Variants in STK3 observed in about 807,000 individuals in gnomAD.
STK3 encodes the protein serine/threonine-protein kinase 3.
In STK3, 41 loss-of-function variants were observed where a neutral mutation model predicts 58.0. The observed-to-expected ratio is 0.71, with a 90% CI of 0.55 to 0.92. The LOEUF (loss-of-function observed/expected upper bound fraction) is 0.92, where lower values mean the gene tolerates loss of function less well. Among genes scored for constraint, STK3 ranks in the 40% least tolerant of loss-of-function variants. The pLI is 0.00. For synonymous variants in STK3, 170 were observed against 191.0 expected (o/e 0.89, Z 0.91); for missense variants, 479 against 602.7 (o/e 0.79, Z 2.15).
At position 98,568,063 on chromosome 8, in the gene STK3, TGATAGATAGATAGATAGATA is replaced by T. The variant is rs10528436; in HGVS notation, c.948+11581_948+11600del. On this transcript the variant is annotated intron_variant, in intron 8 of 10. Coordinates refer to ENST00000419617, the MANE Select transcript of STK3 (RefSeq NM_006281.4). ...GCAGAGTGAGACTGTCTTAGATAGA[TGATAGATAGATAGATAGATA>T]GATAGATAGATAGATAGATAGATAG... Among the ~76,000 whole-genome samples, 27 of 146,580 alleles carry T rather than the reference TGATAGATAGATAGATAGATA, an allele frequency of 1.8e-4. No homozygotes were observed. In the South Asian group the frequency reaches 2.2e-3, roughly 12 times the overall value.
At chr8:98,633,176 G>A (rs940648480) in intron 6 of STK3, among the ~76,000 whole-genome samples, 1 of 152,060 alleles carries the variant, frequency 6.6e-6, no homozygotes, top group East Asian at 1.9e-4. Flanking sequence ...GTAGAAAAAA[G>A]ATGGGAGAAA....
chr8:98,491,919 G>A (rs1822732705), intron 10 of STK3, among the ~76,000 whole-genome samples: 1 of 151,928 alleles, frequency 6.6e-6, no homozygotes, highest in Admixed American at 6.6e-5. Context: ...CAAAACTAAG[G>A]CACAACTGAT....
At chr8:98,722,996 G>A (rs1405463133) in intron 4 of STK3, 1 of 392,466 alleles carries the variant, frequency 2.5e-6, no homozygotes, top group South Asian at 2.0e-5. Flanking sequence ...AAAAAATTGT[G>A]GACACCATTG....
intron 7 of STK3, among the ~76,000 whole-genome samples, chr8:98,589,491 C>T (rs1303689280): frequency 6.6e-6 from 1 of 152,210 alleles, no homozygotes; most frequent in East Asian, 1.9e-4. Context: ...AGAACCACTG[C>T]TCTCTTCAAA....
chr8:98,477,573 C>A (rs1419725613), intron 10 of STK3, among the ~76,000 whole-genome samples: 1 of 151,784 alleles, frequency 6.6e-6, no homozygotes, highest in Non-Finnish European at 1.5e-5. Context: ...ATTCATTCAG[C>A]CATTTCCTAT....
chr8:98,682,422 C>T (rs551748091), intron 6 of STK3, among the ~76,000 whole-genome samples: 12 of 152,252 alleles, frequency 7.9e-5, no homozygotes, highest in Admixed American at 6.5e-4. Flanking sequence ...AAGAGATTCA[C>T]GAGCATTCCA....
intron 8 of STK3, among the ~76,000 whole-genome samples, chr8:98,551,048 T>G (rs575221627): frequency 6.6e-6 from 1 of 152,140 alleles, no homozygotes; most frequent in Non-Finnish European, 1.5e-5. Flanking sequence ...GGCTGGACTT[T>G]AACTGAATCT....
intron 1 of STK3, among the ~76,000 whole-genome samples, chr8:98,929,037 G>A (rs549289487): frequency 5.3e-5 from 8 of 151,604 alleles, no homozygotes; most frequent in African/African-American, 1.5e-4. Context: ...AGGCCAAGGC[G>A]GGTGGATCAC....
At chr8:98,394,540 CAGAAAT>C (rs1348520180) in intron 3 of STK3, among the ~76,000 whole-genome samples, 5 of 152,066 alleles carry the variant, frequency 3.3e-5, no homozygotes, top group African/African-American at 1.2e-4. Flanking sequence ...TAAAATAAAA[CAGAAAT>C]AGAAAGTTTC....
chr8:98,428,198 C>A lies in STK3; in HGVS notation n.483+5929G>T, dbSNP rs1052143781. On this transcript the variant is annotated intron_variant and non_coding_transcript_variant, in intron 3 of 3. Coordinates refer to the STK3 transcript ENST00000517832. This position sits in a 1 kb window ranked among gnomAD's most constrained non-coding sequence, Gnocchi z 6.7. ...TCCAGCGGGAGTTCTACTTCGACCG[C>A]AACCCTGAGCTCTTCCCCTACGTGC... The A allele has an allele frequency of 1.9e-6, 3 of 1,614,038 alleles. No individual in the cohort carries two copies. The highest frequency in any genetic ancestry group is 2.7e-5 in the African/African-American group (2 of 74,944).
chr8:98,425,523 C>A (rs966005198), intron 3 of STK3, among the ~76,000 whole-genome samples: 2 of 152,206 alleles, frequency 1.3e-5, no homozygotes, highest in African/African-American at 4.8e-5. Context: ...ATCCCTCTCC[C>A]ATGTGGCTGC....
chr8:98,712,745 G>T (rs1033806132), intron 4 of STK3, among the ~76,000 whole-genome samples: 6 of 152,072 alleles, frequency 3.9e-5, no homozygotes, highest in African/African-American at 1.2e-4. Context: ...AGTTAACAAG[G>T]ATATCCAGGA....
chr8:98,860,936 T>G lies in STK3; in HGVS notation c.110+22711A>C, dbSNP rs78912430. 8.6e-3 allele frequency among the ~76,000 whole-genome samples: 1,313 copies of G among 152,206 alleles called. 14 individuals are homozygous for G. The highest frequency in any genetic ancestry group is 0.03 in the African/African-American group (1,230 of 41,492). On this transcript the variant is annotated intron_variant, in intron 3 of 12. Transcript: ENST00000523601. ...TTAGCCAGGTGTGGTGGTGCATGCTTGTAGTCCTGGCTACTGGGGAGGCTG... is the reference window on the plus strand; with the variant it reads ...TTAGCCAGGTGTGGTGGTGCATGCTGGTAGTCCTGGCTACTGGGGAGGCTG...
downstream of STK3, among the ~76,000 whole-genome samples, chr8:98,451,241 T>G (rs1453131744): frequency 2.6e-5 from 4 of 152,110 alleles, no homozygotes; most frequent in Non-Finnish European, 5.9e-5. Flanking sequence ...CCAAATTATA[T>G]CTAATATACT....
intron 6 of STK3, among the ~76,000 whole-genome samples, chr8:98,658,771 T>C (rs916637395): frequency 3.9e-5 from 6 of 152,044 alleles, no homozygotes; most frequent in Admixed American, 3.3e-4. Flanking sequence ...TCTTCCAATA[T>C]TAGTAATTTA....
rs73699908 is a variant in STK3 at position 98,499,836 on chromosome 8, G to A, written c.1317+26906C>T. On this transcript the variant is annotated intron_variant, in intron 10 of 10. Transcript: ENST00000419617. ...TTTGGATGAGATCTTGGACTTTTGA[G>A]CTGATTATATTTAGGTGAGATTTTG... Among the ~76,000 whole-genome samples the A allele has an allele frequency of 7.8e-3, 1,187 of 152,246 alleles. 14 individuals are homozygous for A. The highest frequency in any genetic ancestry group is 0.027 in the African/African-American group (1,105 of 41,542).
chr8:98,789,186 T>C (rs1237266585), intron 1 of STK3, among the ~76,000 whole-genome samples: 1 of 152,210 alleles, frequency 6.6e-6, no homozygotes, highest in Non-Finnish European at 1.5e-5. Flanking sequence ...GAAATCAAGA[T>C]GGAAATTTAA....
At chr8:98,656,548 T>C (rs1394725571) in intron 6 of STK3, among the ~76,000 whole-genome samples, 3 of 152,182 alleles carry the variant, frequency 2.0e-5, no homozygotes, top group Non-Finnish European at 4.4e-5. Flanking sequence ...GCTGTTGAAT[T>C]TTATTCAATT....
At chr8:98,723,915 T>C (rs1827619635) in intron 4 of STK3, among the ~76,000 whole-genome samples, 1 of 152,154 alleles carries the variant, frequency 6.6e-6, no homozygotes, top group Non-Finnish European at 1.5e-5. Flanking sequence ...AGGATTAATC[T>C]ATCCAGTGTT....
Sources: allele counts gnomAD v4.1 joint callset (sites outside exome capture counted in the v4.1 genomes callset), GRCh38; gene constraint gnomAD v4.1.1; non-coding constraint Gnocchi (gnomAD v3.1); transcripts MANE v1.5; gene names NCBI Gene and HGNC (gene_info 2026-07-23, HGNC 2026-07-21).